Variants in CAMTA1 observed in about 807,000 individuals in gnomAD.
CAMTA1 encodes calmodulin-binding transcription activator 1.
CAMTA1 carries 27 observed loss-of-function variants against 170.9 expected under a neutral mutation model. That is an observed-to-expected ratio of 0.16 (90% confidence interval 0.12 to 0.22). The LOEUF (loss-of-function observed/expected upper bound fraction) is 0.22. CAMTA1 is among the 10% of genes least tolerant of loss of function. CAMTA1 has a pLI of 1.00. For missense variants in CAMTA1, 1,619 were observed against 2,217.2 expected (o/e 0.73, Z 5.42); for synonymous variants, 833 against 891.5 (o/e 0.93, Z 1.17).
intron 3 of CAMTA1, among the ~76,000 whole-genome samples, chr1:6,880,246 T>TG (rs1671128314): frequency 6.6e-6 from 1 of 151,870 alleles, no homozygotes; most frequent in African/African-American, 2.4e-5. Flanking sequence ...GCTAACTTTT[T>TG]TGTTTTTCTT....
At chr1:6,973,848 C>T (rs374341023) in intron 3 of CAMTA1, among the ~76,000 whole-genome samples, 4 of 152,154 alleles carry the variant, frequency 2.6e-5, no homozygotes, top group Non-Finnish European at 2.9e-5. Context: ...CAGTGGCTGG[C>T]GGGAGGTGGA....
chr1:7,668,421 A>G (rs2096021346), intron 9 of CAMTA1, among the ~76,000 whole-genome samples: 1 of 142,616 alleles, frequency 7.0e-6, no homozygotes. Flanking sequence ...ACACACACAC[A>G]CACACACACA....
intron 3 of CAMTA1, among the ~76,000 whole-genome samples, chr1:6,875,658 G>GC (rs928039066): frequency 3.9e-5 from 6 of 152,126 alleles, no homozygotes; most frequent in East Asian, 3.9e-4. Context: ...CCCTCTTCCT[G>GC]CCCCCCATGG....
intron 6 of CAMTA1, among the ~76,000 whole-genome samples, chr1:7,511,828 C>T (rs2094205400): frequency 6.6e-6 from 1 of 152,176 alleles, no homozygotes; most frequent in Non-Finnish European, 1.5e-5. Flanking sequence ...CTTTCCTGGT[C>T]CCCAAACTCC....
rs2094528343 is a variant in CAMTA1 at position 7,534,640 on chromosome 1, G to A, written c.510+66739G>A. ...GGGCTGTGGCCGCAGAAGGCCAGCA[G>A]CTGTCCAGGGTCACAGCAGTGGACG... On this transcript the variant is annotated intron_variant, in intron 6 of 22. Coordinates refer to ENST00000303635, the MANE Select transcript of CAMTA1 (RefSeq NM_015215.4). This position sits in a 1 kb window ranked among gnomAD's most constrained non-coding sequence, Gnocchi z 5.6. 6.6e-6 allele frequency among the ~76,000 whole-genome samples: 1 copy of A among 152,156 alleles called. No homozygotes were observed. The highest frequency in any genetic ancestry group is 2.4e-5 in the African/African-American group (1 of 41,422).
Position 7,664,758 on chromosome 1 carries a change from G to A in CAMTA1, c.2211G>A (p.Pro737=), listed in dbSNP as rs779262991. The change falls in exon 9 of 23, where the codon CCG becomes CCA. Residue 737 remains proline, a synonymous_variant. Coordinates refer to ENST00000303635, the MANE Select transcript of CAMTA1 (RefSeq NM_015215.4). ...GCGCCGGCGGCGTCCCCATCCTCCC[G>A]GGCAACGTGGTGCAGGGACTCTACC... The part of the protein sequence containing the change: ...IRSAGGVPIL[P]GNVVQGLYPV... 47 of 1,608,712 alleles carry A rather than the reference G, an allele frequency of 2.9e-5. No individual in the cohort carries two copies. The highest frequency in any genetic ancestry group is 2.2e-4 in the Admixed American group (13 of 59,866).
rs1553119354 is a variant in CAMTA1, at chr1:7,277,469, G to GTGTGTGTGTA, written c.438+27852_438+27853insATGTGTGTGT. Among the ~76,000 whole-genome samples the GTGTGTGTGTA allele has an allele frequency of 7.2e-3, 1,085 of 150,952 alleles. 13 individuals carry two copies. The highest frequency in any genetic ancestry group is 0.025 in the African/African-American group (1,019 of 40,978). ...TTTCCAAGCAATGGTGTGTGTGTGT[G>GTGTGTGTGTA]TGTGTGTGTGTGTGTGTGTGTGTAA... On this transcript the variant is annotated intron_variant, in intron 5 of 22. Transcript: ENST00000303635.
chr1:7,690,946 G>A (rs965406292), intron 11 of CAMTA1, among the ~76,000 whole-genome samples: 7 of 152,210 alleles, frequency 4.6e-5, no homozygotes, highest in Admixed American at 2.0e-4. Flanking sequence ...CACGACAACC[G>A]TCAGTGGAGT....
chr1:7,429,523 G>A (rs1027692756), intron 5 of CAMTA1, among the ~76,000 whole-genome samples: 18 of 151,638 alleles, frequency 1.2e-4, no homozygotes, highest in Non-Finnish European at 2.2e-4. Flanking sequence ...GGTACTGAAG[G>A]TGATGGTGAT....
intron 11 of CAMTA1, among the ~76,000 whole-genome samples, chr1:7,686,001 T>C (rs1409839783): frequency 2.0e-5 from 3 of 152,176 alleles, no homozygotes; most frequent in Non-Finnish European, 4.4e-5. Context: ...CATTCTCTAC[T>C]TCTCGCCATC....
intron 6 of CAMTA1, among the ~76,000 whole-genome samples, chr1:7,560,320 TGCTGAG>T (rs2094939414): frequency 6.6e-6 from 1 of 152,094 alleles, no homozygotes; most frequent in Non-Finnish European, 1.5e-5. Flanking sequence ...CTGAGGCAGG[TGCTGAG>T]GCTCACCCTG....
At chr1:6,891,687 T>C (rs939834011) in intron 3 of CAMTA1, among the ~76,000 whole-genome samples, 1 of 152,198 alleles carries the variant, frequency 6.6e-6, no homozygotes, top group Non-Finnish European at 1.5e-5. Context: ...ACAAAAAGTT[T>C]TTTATCTTCA....
chr1:7,249,664 C>A lies in CAMTA1; in HGVS notation c.438+38C>A, dbSNP rs371782951. The A allele has an allele frequency of 1.2e-6, 2 of 1,606,732 alleles. No individual in the cohort carries two copies. The highest frequency in any genetic ancestry group is 1.7e-6 in the Non-Finnish European group (2 of 1,175,826). ...AAAGGTTCCCTTGGTGCACAAATGT[C>A]ATTTGCAGGCTGCAGTGGAGAATGG... On this transcript the variant is annotated intron_variant, in intron 5 of 22. Coordinates refer to ENST00000303635, the MANE Select transcript of CAMTA1 (RefSeq NM_015215.4). This position sits in a 1 kb window ranked among gnomAD's most constrained non-coding sequence, Gnocchi z 4.4.
Position 7,736,403 on chromosome 1 carries a change from C to T in CAMTA1, c.3126C>T (p.Cys1042=), listed in dbSNP as rs144273933. The part of the protein sequence containing the change: ...SCFESRVVVV[C]EKMMSRACWA... Reference sequence around the variant, plus strand: ...TTGAGAGCCGTGTGGTCGTGGTATGCGAGAAGATGATGAGCCGAGCCTGCT... The same window carrying T: ...TTGAGAGCCGTGTGGTCGTGGTATGTGAGAAGATGATGAGCCGAGCCTGCT... The change falls in exon 13 of 23, where the codon TGC becomes TGT. Residue 1042 remains cysteine (C), a synonymous_variant. Coordinates refer to ENST00000303635, the MANE Select transcript of CAMTA1 (RefSeq NM_015215.4). The surrounding 1 kb of genome is among the most constrained non-coding windows in gnomAD (Gnocchi z 4.5). The T allele has an allele frequency of 4.5e-5, 73 of 1,613,842 alleles. No individual in the cohort carries two copies. Among genetic ancestry groups the T allele is most frequent in the Non-Finnish European group, 5.3e-5 (63 of 1,180,002 alleles).
At chr1:7,036,218 G>A (rs1168809712) in intron 3 of CAMTA1, among the ~76,000 whole-genome samples, 1 of 152,088 alleles carries the variant, frequency 6.6e-6, no homozygotes, top group Non-Finnish European at 1.5e-5. Flanking sequence ...AATACGATTG[G>A]TTGGCACGCA....
At position 7,635,588 on chromosome 1, in the gene CAMTA1, G is replaced by C. The variant is rs541572258; in HGVS notation, c.511-4812G>C. ...CGCGCCACTGCACTCCAGCCTGGGG[G>C]ACAGAGCAAGACTCCGTCTCAAAAA... On this transcript the variant is annotated intron_variant, in intron 6 of 22. Coordinates refer to ENST00000303635, the MANE Select transcript of CAMTA1 (RefSeq NM_015215.4). The surrounding 1 kb of genome is among the most constrained non-coding windows in gnomAD (Gnocchi z 4.4). Among the ~76,000 whole-genome samples the C allele has an allele frequency of 2.2e-4, 32 of 146,784 alleles. No individual in the cohort carries two copies. In the Middle Eastern group the frequency reaches 0.014, roughly 65 times the overall value.
chr1:6,844,690 CAAAAAAAAAAAA>C (rs1180942073), intron 3 of CAMTA1, among the ~76,000 whole-genome samples: 2 of 52,022 alleles, frequency 3.8e-5, no homozygotes, highest in South Asian at 7.4e-4. Context: ...ACCCTGTGTC[CAAAAAAAAAAAA>C]AAAAAAAAAA....
intron 4 of CAMTA1, among the ~76,000 whole-genome samples, chr1:7,211,605 G>A (rs1048312566): frequency 3.3e-5 from 5 of 152,106 alleles, no homozygotes; most frequent in African/African-American, 1.2e-4. Context: ...TTCTTTGAGC[G>A]CTTCCTTTTT....
chr1:7,612,310 G>A (rs1350277524), intron 6 of CAMTA1, among the ~76,000 whole-genome samples: 4 of 152,110 alleles, frequency 2.6e-5, no homozygotes, highest in Admixed American at 2.6e-4. Flanking sequence ...CTGGAGTTTG[G>A]TCATCCTGAA....
Sources: gnomAD v4.1 joint callset for allele counts (sites outside exome capture counted in the v4.1 genomes callset) on GRCh38, gnomAD v4.1.1 for gene constraint, Gnocchi (gnomAD v3.1) non-coding constraint, MANE v1.5 for transcripts, NCBI Gene and HGNC (gene_info 2026-07-23, HGNC 2026-07-21) for gene names.